Variants in MTCL1 observed in about 807,000 individuals in gnomAD.
The protein encoded by MTCL1 is microtubule crosslinking factor 1.
In MTCL1, 79 loss-of-function variants were observed where a neutral mutation model predicts 141.4. That is an observed-to-expected ratio of 0.56 (90% CI 0.47 to 0.67). MTCL1 has a LOEUF of 0.67. Ranked by LOEUF, MTCL1 falls within the 30% of genes least tolerant of loss-of-function variation. The pLI is 0.00. For missense variants in MTCL1, 2,177 were observed against 2,113.9 expected (o/e 1.03, Z -0.59); for synonymous variants, 914 against 875.8 (o/e 1.04, Z -0.77).
exon 1 of MTCL1, chr18:8,706,430 G>A (rs1259970029): frequency 3.5e-5 from 43 of 1,227,118 alleles, no homozygotes; most frequent in Non-Finnish European, 4.2e-5. Flanking sequence ...CCCGCAGCCC[G>A]AGGAGCGCCG....
chr18:8,715,432 A>G (rs908905179), upstream of MTCL1, among the ~76,000 whole-genome samples: 1 of 152,226 alleles, frequency 6.6e-6, no homozygotes, highest in African/African-American at 2.4e-5. Context: ...AAGCAATCAC[A>G]AACCATTCTT....
At chr18:8,777,703 T>A in intron 4 of MTCL1, 130 bp from the exon 4 acceptor site, 1 of 733,612 alleles carries the variant, frequency 1.4e-6, no homozygotes, top group Non-Finnish European at 2.3e-6. Context: ...TTACACAAGT[T>A]GTTTCTTGAT....
chr18:8,756,381 ATATATGTG>A (rs2096398803), intron 4 of MTCL1, among the ~76,000 whole-genome samples: 1 of 150,658 alleles, frequency 6.6e-6, no homozygotes, highest in South Asian at 2.1e-4. Flanking sequence ...GTATATATGT[ATATATGTG>A]TATATATGTA....
chr18:8,706,502 G>A (rs890845030), exon 1 of MTCL1: 3 of 1,300,580 alleles, frequency 2.3e-6, no homozygotes, highest in African/African-American at 3.1e-5. Context: ...GCCTGTCCCG[G>A]GGGCCGGAGC....
At chr18:8,772,210 C>T (rs1310241618) in intron 4 of MTCL1, among the ~76,000 whole-genome samples, 2 of 152,212 alleles carry the variant, frequency 1.3e-5, no homozygotes, top group Non-Finnish European at 2.9e-5. Context: ...TTCCCCAACC[C>T]TCAGGGGGCT....
At chr18:8,784,465 T>A in exon 6 of MTCL1, 1 of 1,548,646 alleles carries the variant, frequency 6.5e-7, no homozygotes, top group Non-Finnish European at 8.7e-7. Flanking sequence ...GGGAGGACTC[T>A]GAGTACCTAG....
At chr18:8,815,906 A>G (rs1006043714) in intron 12 of MTCL1, among the ~76,000 whole-genome samples, 1 of 152,202 alleles carries the variant, frequency 6.6e-6, no homozygotes, top group Non-Finnish European at 1.5e-5. Flanking sequence ...TCTTTGTACA[A>G]TGATGTCATT....
At chr18:8,793,218 C>T (rs1166689303) in intron 8 of MTCL1, 98 bp downstream of exon 7, 8 of 1,526,638 alleles carry the variant, frequency 5.2e-6, no homozygotes, top group African/African-American at 1.4e-5. Flanking sequence ...CTGTCTGTTG[C>T]GTACAGGCTG....
intron 4 of MTCL1, among the ~76,000 whole-genome samples, chr18:8,769,150 G>A (rs2096473856): frequency 6.6e-6 from 1 of 152,188 alleles, no homozygotes; most frequent in African/African-American, 2.4e-5. Context: ...ACAGGCAAAT[G>A]TCATGTTTCT....
At chr18:8,717,009 C>T (rs960257685), upstream of MTCL1, among the ~76,000 whole-genome samples, 1 of 152,108 alleles carries the variant, frequency 6.6e-6, no homozygotes, top group Non-Finnish European at 1.5e-5. Context: ...TGGAACAAAG[C>T]GAGCGTGCAG....
intron 14 of MTCL1, among the ~76,000 whole-genome samples, chr18:8,823,505 G>C (rs1054212616): frequency 5.9e-5 from 9 of 152,238 alleles, no homozygotes; most frequent in Admixed American, 3.3e-4. Context: ...ATTGAGAAGA[G>C]GGAAATTCAT....
At chr18:8,731,720 T>A (rs1353170074) in intron 4 of MTCL1, among the ~76,000 whole-genome samples, 1 of 152,164 alleles carries the variant, frequency 6.6e-6, no homozygotes, top group African/African-American at 2.4e-5. Flanking sequence ...AAAAAAAATT[T>A]TTTTTTGAGA....
At chr18:8,783,281 T>G (rs1307484045) in intron 5 of MTCL1, among the ~76,000 whole-genome samples, 1 of 152,182 alleles carries the variant, frequency 6.6e-6, no homozygotes, top group Non-Finnish European at 1.5e-5. Context: ...CAAACTAATT[T>G]TTTTTTGTTT....
chr18:8,775,571 T>TCAAAACAAAA (rs61282689), intron 4 of MTCL1, among the ~76,000 whole-genome samples: 2,404 of 151,940 alleles, frequency 0.016, 37 homozygotes, highest in South Asian at 0.054. Flanking sequence ...AGATTCCGTC[T>TCAAAACAAAA]CAAAACAAAA....
chr18:8,751,064 C>T (rs1671531237), intron 4 of MTCL1, among the ~76,000 whole-genome samples: 1 of 152,140 alleles, frequency 6.6e-6, no homozygotes, highest in South Asian at 2.1e-4. Flanking sequence ...CCAGAAGGAC[C>T]AGTGGGTGTG....
intron 4 of MTCL1, among the ~76,000 whole-genome samples, chr18:8,754,131 C>T (rs1212088676): frequency 2.0e-5 from 3 of 152,138 alleles, no homozygotes; most frequent in African/African-American, 7.2e-5. Context: ...AGTGCAGTGG[C>T]ACTGTCTTGC....
At chr18:8,793,200 A>G in intron 8 of MTCL1, 80 bp downstream of exon 7, 2 of 1,576,134 alleles carry the variant, frequency 1.3e-6, no homozygotes, top group Admixed American at 3.4e-5. Flanking sequence ...ATACATTTTC[A>G]AAGAAGGCTG....
chr18:8,820,607 G>A (rs1418563233), intron 13 of MTCL1, among the ~76,000 whole-genome samples: 1 of 152,186 alleles, frequency 6.6e-6, no homozygotes, highest in Admixed American at 6.5e-5. Context: ...CAGGTTGATA[G>A]GACATTGCCA....
At chr18:8,758,085 C>T (rs1184220061) in intron 4 of MTCL1, among the ~76,000 whole-genome samples, 1 of 146,538 alleles carries the variant, frequency 6.8e-6, no homozygotes, top group Non-Finnish European at 1.5e-5. Context: ...AGTGCAATGG[C>T]GCGATCTCGG....
Sources: allele counts gnomAD v4.1 joint callset (sites outside exome capture counted in the v4.1 genomes callset), GRCh38; gene constraint gnomAD v4.1.1; transcripts MANE v1.5; gene names NCBI Gene and HGNC (gene_info 2026-07-23, HGNC 2026-07-21).